The following ULK4 variants were observed in gnomAD, a reference collection of about 807,000 sequenced individuals.
The protein encoded by ULK4 is unc-51 like kinase 4.
In ULK4, 133 loss-of-function variants were observed where a neutral mutation model predicts 160.6. That is an observed-to-expected ratio of 0.83 (90% CI 0.72 to 0.96). The LOEUF is 0.96. ULK4 is among the 40% of genes least tolerant of loss of function. The probability of loss-of-function intolerance (pLI) is 0.00; values close to 1 mark genes in which losing one functional copy is unlikely to be tolerated. For synonymous variants in ULK4, 534 were observed against 539.8 expected (o/e 0.99, Z 0.15); for missense variants, 1,580 against 1,499.5 (o/e 1.05, Z -0.89).
chr3:41,846,400 G>C (rs938619347), intron 17 of ULK4, among the ~76,000 whole-genome samples: 2 of 152,104 alleles, frequency 1.3e-5, no homozygotes, highest in African/African-American at 4.8e-5. Flanking sequence ...AATAGATTTA[G>C]CTCTTCAAAC....
At chr3:41,257,569 G>C (rs1051611752) in intron 35 of ULK4, among the ~76,000 whole-genome samples, 4 of 151,608 alleles carry the variant, frequency 2.6e-5, no homozygotes, top group African/African-American at 4.8e-5. Context: ...GGAGGTCAAG[G>C]CTTCAGTGAG....
chr3:41,490,087 G>A (rs9866780), intron 32 of ULK4, among the ~76,000 whole-genome samples: 62,397 of 151,914 alleles, frequency 0.41, 12,992 homozygotes, highest in African/African-American at 0.44. Flanking sequence ...CTTTTGCTGT[G>A]TCTCTGAAAT....
At chr3:41,684,393 GA>G (rs1218829918) in intron 27 of ULK4, among the ~76,000 whole-genome samples, 1 of 152,186 alleles carries the variant, frequency 6.6e-6, no homozygotes, top group African/African-American at 2.4e-5. Context: ...GCAGGTCCTT[GA>G]AACAAAAACT....
Position 41,896,879 on chromosome 3 carries a change from AT to A in ULK4, c.1472del (p.Tyr491PhefsTer24). ...CCTGGTGACCAGCCACCACGCACAA[AT>A]AGCAAAGGAGATTCAGCTTGGCTCG... ...ASRAKLNLLC[Y>X]LCVVAGHQEV... On this transcript the variant is annotated frameshift_variant, in exon 15 of 37. Transcript: ENST00000301831. LOFTEE classifies it high-confidence loss of function. 6.2e-7 allele frequency: 1 copy of A among 1,613,500 alleles called. No homozygotes were observed. Among genetic ancestry groups the A allele is most frequent in the Non-Finnish European group, 8.5e-7 (1 of 1,179,788 alleles).
chr3:41,357,889 G>A (rs2081058689), intron 35 of ULK4, among the ~76,000 whole-genome samples: 1 of 152,168 alleles, frequency 6.6e-6, no homozygotes, highest in Non-Finnish European at 1.5e-5. Flanking sequence ...GCTGGGCACT[G>A]CTCTAATTGC....
intron 32 of ULK4, among the ~76,000 whole-genome samples, chr3:41,500,777 G>A (rs1207509372): frequency 6.6e-6 from 1 of 152,136 alleles, no homozygotes; most frequent in Admixed American, 6.5e-5. Flanking sequence ...CCAGCAGAGA[G>A]TATAGGCTCA....
chr3:41,808,319 T>A (rs965841378), intron 19 of ULK4, among the ~76,000 whole-genome samples: 1 of 152,224 alleles, frequency 6.6e-6, no homozygotes, highest in African/African-American at 2.4e-5. Flanking sequence ...GTCAGTCAGT[T>A]CCTAGGACTC....
At chr3:41,471,568 T>C (rs190851405) in intron 32 of ULK4, among the ~76,000 whole-genome samples, 90 of 152,288 alleles carry the variant, frequency 5.9e-4, no homozygotes, top group Non-Finnish European at 8.2e-4. Flanking sequence ...ACATGGAACA[T>C]TCTTCAGGAT....
intron 35 of ULK4, among the ~76,000 whole-genome samples, chr3:41,271,374 A>G (rs1204583738): frequency 6.6e-6 from 1 of 151,042 alleles, no homozygotes; most frequent in Non-Finnish European, 1.5e-5. Flanking sequence ...TATCCATATT[A>G]TAGCATGTAT....
rs773313382 is a variant in ULK4 at position 41,715,192 on chromosome 3, A to C, written c.2634+45T>G. ...CATCAAATTCTACAAACAGTAGAGGAAGTCACAATTTTATTAGAAACAAGG... is the reference window on the plus strand; with the variant it reads ...CATCAAATTCTACAAACAGTAGAGGCAGTCACAATTTTATTAGAAACAAGG... On this transcript the variant is annotated intron_variant, in intron 25 of 36. Coordinates refer to ENST00000301831, the MANE Select transcript of ULK4 (RefSeq NM_017886.4). 1.0e-5 allele frequency: 16 copies of C among 1,574,114 alleles called. No individual in the cohort carries two copies. In the South Asian group the frequency reaches 1.7e-4, roughly 17 times the overall value.
intron 2 of ULK4, among the ~76,000 whole-genome samples, chr3:41,938,403 C>T (rs1699848044): frequency 6.6e-6 from 1 of 152,122 alleles, no homozygotes; most frequent in African/African-American, 2.4e-5. Flanking sequence ...TCTGGCGGTG[C>T]AAGATGGCTC....
intron 30 of ULK4, among the ~76,000 whole-genome samples, chr3:41,627,228 G>A (rs2033556849): frequency 6.6e-6 from 1 of 152,174 alleles, no homozygotes; most frequent in Non-Finnish European, 1.5e-5. Flanking sequence ...CAGGAGAAGG[G>A]AGAGGTAAAT....
At chr3:41,286,627 C>T (rs962870740) in intron 35 of ULK4, among the ~76,000 whole-genome samples, 7 of 152,146 alleles carry the variant, frequency 4.6e-5, no homozygotes, top group South Asian at 2.1e-4. Flanking sequence ...GGCACAGACA[C>T]GACTAGGGAA....
intron 30 of ULK4, among the ~76,000 whole-genome samples, chr3:41,619,556 T>C (rs190659246): frequency 3.3e-5 from 5 of 152,244 alleles, no homozygotes; most frequent in African/African-American, 1.2e-4. Flanking sequence ...AATAAAGTTA[T>C]TTGAGACCAA....
intron 31 of ULK4, among the ~76,000 whole-genome samples, chr3:41,568,285 G>C (rs1421468461): frequency 6.6e-6 from 1 of 152,214 alleles, no homozygotes; most frequent in Non-Finnish European, 1.5e-5. Flanking sequence ...GGTGGCTTGG[G>C]AGTGCTGCAG....
intron 32 of ULK4, among the ~76,000 whole-genome samples, chr3:41,485,435 A>T (rs1378834023): frequency 1.3e-5 from 2 of 152,238 alleles, no homozygotes; most frequent in Non-Finnish European, 2.9e-5. Flanking sequence ...CTAAAAAATA[A>T]GTAAATAAGA....
chr3:41,337,292 T>C (rs1476258795), intron 35 of ULK4, among the ~76,000 whole-genome samples: 4 of 152,180 alleles, frequency 2.6e-5, no homozygotes, highest in African/African-American at 4.8e-5. Flanking sequence ...AAAATTGACA[T>C]TGATTTGAAA....
chr3:41,632,297 T>C lies in ULK4; in HGVS notation c.3072-16580A>G, dbSNP rs1319056445. 2.0e-5 allele frequency among the ~76,000 whole-genome samples: 3 copies of C among 152,140 alleles called. No homozygotes were observed. In the South Asian group the frequency reaches 6.2e-4, roughly 32 times the overall value. On this transcript the variant is annotated intron_variant, in intron 30 of 36. Transcript: ENST00000301831. ...TTTTCTCCTACAGATACGAACCCAA[T>C]AATAAAAAACAGAAATTCCATATTT...
chr3:41,805,874 G>T (rs2040627226), intron 19 of ULK4, among the ~76,000 whole-genome samples: 1 of 146,132 alleles, frequency 6.8e-6, no homozygotes, highest in African/African-American at 2.5e-5. Flanking sequence ...TGTGCTGCTG[G>T]ATTTGGTTTG....
Sources: allele counts gnomAD v4.1 joint callset (sites outside exome capture counted in the v4.1 genomes callset), GRCh38; gene constraint gnomAD v4.1.1; transcripts MANE v1.5; gene names NCBI Gene and HGNC (gene_info 2026-07-23, HGNC 2026-07-21).